DIAPH3: variants seen among roughly 807,000 people sequenced by gnomAD.
The protein encoded by DIAPH3 is protein diaphanous homolog 3.
DIAPH3 carries 117 observed loss-of-function variants against 144.3 expected under a neutral mutation model. That is an observed-to-expected ratio of 0.81 (90% CI 0.70 to 0.95). The LOEUF (loss-of-function observed/expected upper bound fraction) is 0.95, where lower values mean the gene tolerates loss of function less well. Among genes scored for constraint, DIAPH3 ranks in the 40% least tolerant of loss-of-function variants. The pLI is 0.00. For synonymous variants in DIAPH3, 519 were observed against 488.9 expected, an observed-to-expected ratio of 1.06 and a Z score of -0.81; for missense variants, 1,421 against 1,412.7, an observed-to-expected ratio of 1.01 and a Z score of -0.09.
intron 1 of DIAPH3, chr13:60,144,572 A>C (rs1398087432): frequency 6.6e-6 from 1 of 152,234 alleles, no homozygotes; most frequent in Non-Finnish European, 1.5e-5. Flanking sequence ...AAGCAGAGCC[A>C]ATCAAATCTC....
intron 17 of DIAPH3, among the ~76,000 whole-genome samples, chr13:59,943,113 T>C (rs1043338794): frequency 2.0e-5 from 3 of 152,230 alleles, no homozygotes; most frequent in Non-Finnish European, 4.4e-5. Context: ...TTTAACACCG[T>C]TAGCACATTT....
chr13:60,071,050 T>G (rs1386871359), intron 4 of DIAPH3, among the ~76,000 whole-genome samples: 1 of 152,208 alleles, frequency 6.6e-6, no homozygotes, highest in Non-Finnish European at 1.5e-5. Flanking sequence ...TGCAAAATTT[T>G]TATTCTCACT....
At chr13:60,062,164 G>A (rs893754681) in intron 4 of DIAPH3, among the ~76,000 whole-genome samples, 1 of 151,906 alleles carries the variant, frequency 6.6e-6, no homozygotes, top group Non-Finnish European at 1.5e-5. Flanking sequence ...ATAAATGTTG[G>A]GTTTATCTTT....
intron 5 of DIAPH3, among the ~76,000 whole-genome samples, chr13:60,042,132 T>C (rs562538836): frequency 7.2e-5 from 11 of 152,272 alleles, no homozygotes; most frequent in African/African-American, 2.2e-4. Flanking sequence ...AACTGACTTA[T>C]GGAAACACCT....
chr13:59,791,185 G>T (rs886588195), intron 25 of DIAPH3, among the ~76,000 whole-genome samples: 1 of 152,072 alleles, frequency 6.6e-6, no homozygotes, highest in Non-Finnish European at 1.5e-5. Flanking sequence ...GCTCAGGATG[G>T]TCTCAAACTC....
At chr13:60,066,095 T>C (rs2056952771) in intron 4 of DIAPH3, among the ~76,000 whole-genome samples, 1 of 152,130 alleles carries the variant, frequency 6.6e-6, no homozygotes. Flanking sequence ...TCATTTGCAC[T>C]CAATAACATG....
At chr13:59,776,103 C>T (rs1440676126) in intron 25 of DIAPH3, among the ~76,000 whole-genome samples, 6 of 152,052 alleles carry the variant, frequency 3.9e-5, no homozygotes, top group South Asian at 4.1e-4. Context: ...TATTTTCCTT[C>T]GAACTTTTAT....
At chr13:60,161,265 C>G (rs1250613207) in intron 1 of DIAPH3, among the ~76,000 whole-genome samples, 1 of 151,640 alleles carries the variant, frequency 6.6e-6, no homozygotes, top group African/African-American at 2.4e-5. Flanking sequence ...AAGCCAAGAA[C>G]TAACTTGACA....
At chr13:60,067,284 CAAA>C (rs879713500) in intron 4 of DIAPH3, among the ~76,000 whole-genome samples, 1 of 139,884 alleles carries the variant, frequency 7.1e-6, no homozygotes. Flanking sequence ...GACCCTATAT[CAAA>C]AAAAAAAAAG....
At chr13:60,081,306 A>G (rs889425967) in intron 4 of DIAPH3, among the ~76,000 whole-genome samples, 3 of 152,044 alleles carry the variant, frequency 2.0e-5, no homozygotes, top group African/African-American at 7.2e-5. Flanking sequence ...TAGGTCATGG[A>G]CCATTAAGAG....
chr13:60,105,673 G>C (rs1021763644), intron 3 of DIAPH3, among the ~76,000 whole-genome samples: 2 of 152,066 alleles, frequency 1.3e-5, no homozygotes, highest in Non-Finnish European at 2.9e-5. Flanking sequence ...TAATAAATCA[G>C]AACAAAGCAT....
chr13:59,871,329 T>C (rs1170285016), intron 21 of DIAPH3, among the ~76,000 whole-genome samples: 1 of 152,090 alleles, frequency 6.6e-6, no homozygotes, highest in Non-Finnish European at 1.5e-5. Flanking sequence ...TCCAACACAA[T>C]GTTCAAGAGG....
intron 4 of DIAPH3, among the ~76,000 whole-genome samples, chr13:60,063,719 G>A (rs140339550): frequency 0.047 from 7,111 of 152,156 alleles, 250 homozygotes; most frequent in Admixed American, 0.093. Context: ...CTGAGGTCAG[G>A]AGTTCGAGAC....
intron 20 of DIAPH3, among the ~76,000 whole-genome samples, chr13:59,886,390 C>T (rs913962730): frequency 6.6e-6 from 1 of 152,130 alleles, no homozygotes; most frequent in Admixed American, 6.6e-5. Flanking sequence ...GATGTTAAAT[C>T]AGTAGTTTAG....
intron 25 of DIAPH3, among the ~76,000 whole-genome samples, chr13:59,793,873 T>C (rs2039445841): frequency 6.6e-6 from 1 of 152,172 alleles, no homozygotes; most frequent in South Asian, 2.1e-4. Context: ...GTGTTGGTCA[T>C]ACTAGCCCCT....
At chr13:60,059,578 A>G (rs2141285429) in intron 4 of DIAPH3, among the ~76,000 whole-genome samples, 1 of 152,146 alleles carries the variant, frequency 6.6e-6, no homozygotes, top group South Asian at 2.1e-4. Context: ...ATGGTGTCAC[A>G]CAGGACCACT....
chr13:60,123,191 C>T (rs773302547), intron 2 of DIAPH3, among the ~76,000 whole-genome samples: 195 of 152,164 alleles, frequency 1.3e-3, no homozygotes, highest in Non-Finnish European at 2.2e-3. Flanking sequence ...GCTGAAAAGT[C>T]ACCTTCACAT....
At chr13:60,048,388 AAC>A (rs971967099) in intron 4 of DIAPH3, among the ~76,000 whole-genome samples, 33 of 152,368 alleles carry the variant, frequency 2.2e-4, no homozygotes, top group African/African-American at 7.9e-4. Flanking sequence ...CAAATTAATA[AAC>A]AGATTAAAAA....
At chr13:59,838,216 G>T (rs7998887) in intron 23 of DIAPH3, 5 of 151,978 alleles carry the variant, frequency 3.3e-5, no homozygotes, top group Admixed American at 2.6e-4. Context: ...CAACACAAAA[G>T]ATATCAGTCT....
Sources: gnomAD v4.1 joint callset for allele counts (sites outside exome capture counted in the v4.1 genomes callset) on GRCh38, gnomAD v4.1.1 for gene constraint, MANE v1.5 for transcripts, NCBI Gene and HGNC (gene_info 2026-07-23, HGNC 2026-07-21) for gene names.